The following MTMR7 variants were observed in gnomAD, a reference collection of about 807,000 sequenced individuals.
The protein encoded by MTMR7 is myotubularin related protein 7, also known as phosphatidylinositol-3-phosphate phosphatase MTMR7.
A neutral mutation model predicts 81.2 loss-of-function variants in MTMR7; 76 were observed. That is an observed-to-expected ratio of 0.94 (90% CI 0.78 to 1.13). The LOEUF (loss-of-function observed/expected upper bound fraction) is 1.13, where lower values mean the gene tolerates loss of function less well. Among genes scored for constraint, MTMR7 ranks in the 50% most tolerant of loss-of-function variants. MTMR7 has a pLI of 0.00. For missense variants in MTMR7, 1,044 were observed against 820.0 expected (o/e 1.27, Z -3.34); for synonymous variants, 372 against 289.8 (o/e 1.28, Z -2.88).
Position 17,370,979 on chromosome 8 carries a change from C to A in MTMR7, c.310+58G>T, listed in dbSNP as rs1009797069. 4 of 1,559,568 alleles carry A rather than the reference C, an allele frequency of 2.6e-6. No individual in the cohort carries two copies. In the African/African-American group the frequency reaches 4.1e-5, roughly 16 times the overall value. ...CTAAGCACCATACAAATTCTTGAAT[C>A]TGATTTGCAAATTTTTAAGAGAGGT... On this transcript the variant is annotated intron_variant, in intron 3 of 13. Transcript: ENST00000180173.
chr8:17,386,748 A>G (rs918810225), intron 1 of MTMR7, among the ~76,000 whole-genome samples: 1 of 152,118 alleles, frequency 6.6e-6, no homozygotes, highest in Admixed American at 6.5e-5. Flanking sequence ...ACTGCATCTC[A>G]CTTGGTCACA....
rs971020213 is a variant in MTMR7 at position 17,297,028 on chromosome 8, G to C, written c.*2834C>G. ...ATGTGGGTTCTGTTTTTGCAACAGA[G>C]ATTAAGTGACCATTTTTTCTAATTT... On this transcript the variant is annotated 3_prime_UTR_variant, in exon 14 of 14. Coordinates refer to ENST00000180173, the MANE Select transcript of MTMR7 (RefSeq NM_004686.5). The C allele has an allele frequency of 6.6e-6, 1 of 152,176 alleles. No individual in the cohort carries two copies. Among genetic ancestry groups the C allele is most frequent in the Non-Finnish European group, 1.5e-5 (1 of 68,014 alleles). 9.4% of individuals were successfully genotyped at this position (152,176 alleles called of 1,614,324 possible).
chr8:17,315,045 G>T (rs1051867876), intron 7 of MTMR7, among the ~76,000 whole-genome samples: 2 of 152,172 alleles, frequency 1.3e-5, no homozygotes, highest in Non-Finnish European at 2.9e-5. Context: ...CCCTTGGGTA[G>T]TCAGCCGTGG....
chr8:17,349,648 C>T (rs111962727), intron 4 of MTMR7, among the ~76,000 whole-genome samples: 7 of 152,280 alleles, frequency 4.6e-5, no homozygotes, highest in African/African-American at 1.2e-4. Context: ...CCACCTCCTT[C>T]GGGAAGCTTC....
At chr8:17,342,078 T>A (rs1819423436) in intron 5 of MTMR7, among the ~76,000 whole-genome samples, 1 of 152,164 alleles carries the variant, frequency 6.6e-6, no homozygotes, top group African/African-American at 2.4e-5. Context: ...CAAGTCTACT[T>A]AGAACAAGGG....
chr8:17,330,106 T>C lies in MTMR7; in HGVS notation c.865+1044A>G, dbSNP rs1818919632. On this transcript the variant is annotated intron_variant, in intron 7 of 13. Coordinates refer to ENST00000180173, the MANE Select transcript of MTMR7 (RefSeq NM_004686.5). ...ATAATGACTGAGATGAACCAGAAAG[T>C]CCAGGAAACAGAATGGAAATTAGGC... is the stretch of plus-strand genomic sequence containing the variant. 2.6e-5 allele frequency among the ~76,000 whole-genome samples: 4 copies of C among 152,106 alleles called. No homozygotes were observed. In the South Asian group the frequency reaches 8.3e-4, roughly 31 times the overall value.
intron 1 of MTMR7, 97 bp from the exon 2 acceptor site, chr8:17,373,337 A>G (rs1820477737): frequency 2.8e-6 from 4 of 1,407,320 alleles, no homozygotes; most frequent in South Asian, 1.5e-5. Context: ...ACTCCAAAAT[A>G]CAATTTTTTG....
chr8:17,311,413 T>A, intron 9 of MTMR7, 98 bp downstream of exon 9: 1 of 1,511,124 alleles, frequency 6.6e-7, no homozygotes, highest in Non-Finnish European at 9.0e-7. Flanking sequence ...AGAAAAATAA[T>A]GCTGGCAAGA....
chr8:17,318,422 G>A (rs1169529972), intron 7 of MTMR7, among the ~76,000 whole-genome samples: 2 of 152,108 alleles, frequency 1.3e-5, no homozygotes, highest in Non-Finnish European at 2.9e-5. Flanking sequence ...AAAGGTACAG[G>A]ATGAGCACCC....
chr8:17,337,201 A>G (rs1232817775), intron 6 of MTMR7, among the ~76,000 whole-genome samples: 3 of 151,992 alleles, frequency 2.0e-5, no homozygotes, highest in Admixed American at 2.0e-4. Flanking sequence ...CGTCTCTACT[A>G]AAAATACAAA....
intron 5 of MTMR7, 98 bp downstream of exon 5, chr8:17,348,855 A>AAC (rs956690998): frequency 1.6e-5 from 22 of 1,416,600 alleles, no homozygotes; most frequent in South Asian, 2.4e-5. Flanking sequence ...GAAGAATTCA[A>AAC]ACACACACAC....
chr8:17,350,128 C>T (rs184230841), intron 4 of MTMR7, among the ~76,000 whole-genome samples: 32 of 152,320 alleles, frequency 2.1e-4, no homozygotes, highest in Middle Eastern at 6.8e-3. Context: ...AGTCTTTTCG[C>T]AATGTGAAGA....
rs10651385 is a variant in MTMR7 at position 17,348,549 on chromosome 8, CAAAA to C, written c.597+400_597+403del. 6.6e-4 allele frequency among the ~76,000 whole-genome samples: 62 copies of C among 94,652 alleles called. 1 individual carries two copies. Among genetic ancestry groups the C allele is most frequent in the African/African-American group, 1.9e-3 (54 of 28,094 alleles). The allele number at this position is 94,652 out of a possible 152,430, so 62.1% of individuals were successfully genotyped here. A position where few individuals can be genotyped will look rare whatever the true frequency, so the allele number is the denominator to read the frequency against. On this transcript the variant is annotated intron_variant, in intron 5 of 13. Coordinates refer to ENST00000180173, the MANE Select transcript of MTMR7 (RefSeq NM_004686.5). ...CAGGTGACAGAGTGAGACTCTGTCT[CAAAA>C]AAAAAAAAAAAAAAACGTAATAGAG...
intron 3 of MTMR7, among the ~76,000 whole-genome samples, chr8:17,362,269 G>A (rs1162745494): frequency 6.6e-6 from 1 of 152,176 alleles, no homozygotes; most frequent in Non-Finnish European, 1.5e-5. Flanking sequence ...GTTTTGTGCT[G>A]TCTTTGAAAT....
intron 7 of MTMR7, among the ~76,000 whole-genome samples, chr8:17,330,304 G>A (rs776104085): frequency 9.9e-5 from 15 of 152,144 alleles, no homozygotes; most frequent in African/African-American, 1.9e-4. Flanking sequence ...CCCACTTCCC[G>A]GGCTCCCAGC....
chr8:17,322,406 A>G (rs533402150), intron 7 of MTMR7, among the ~76,000 whole-genome samples: 1 of 152,228 alleles, frequency 6.6e-6, no homozygotes, highest in Non-Finnish European at 1.5e-5. Flanking sequence ...TATGAATGTG[A>G]ATTTTTGTGT....
chr8:17,394,583 G>A (rs1485027516), intron 1 of MTMR7, among the ~76,000 whole-genome samples: 2 of 152,136 alleles, frequency 1.3e-5, no homozygotes, highest in Non-Finnish European at 2.9e-5. Flanking sequence ...TTTTGGGGTG[G>A]TGAAAATGTT....
chr8:17,404,689 A>G (rs769848657), intron 1 of MTMR7, among the ~76,000 whole-genome samples: 2 of 152,216 alleles, frequency 1.3e-5, no homozygotes, highest in African/African-American at 2.4e-5. Context: ...AATCTTTAAA[A>G]TATATATAGA....
intron 1 of MTMR7, among the ~76,000 whole-genome samples, chr8:17,381,540 C>T (rs1268453172): frequency 3.9e-5 from 6 of 152,122 alleles, no homozygotes; most frequent in Non-Finnish European, 1.5e-5. Flanking sequence ...AAAGTTGCTC[C>T]GTAGGATGAG....
Sources: allele counts gnomAD v4.1 joint callset (sites outside exome capture counted in the v4.1 genomes callset), GRCh38; gene constraint gnomAD v4.1.1; transcripts MANE v1.5; gene names NCBI Gene and HGNC (gene_info 2026-07-23, HGNC 2026-07-21).